Variants in CTH observed in about 807,000 individuals in gnomAD.
The protein encoded by CTH is cystathionine gamma-lyase.
In CTH, 41 loss-of-function variants were observed where a neutral mutation model predicts 50.6. The observed-to-expected ratio is 0.81, with a 90% confidence interval of 0.63 to 1.05. CTH has a LOEUF of 1.05. Among genes scored for constraint, CTH ranks in the 50% least tolerant of loss-of-function variants. The pLI, the probability that CTH is intolerant of heterozygous loss-of-function variation, is 0.00. For synonymous variants in CTH, 156 were observed against 168.9 expected, an observed-to-expected ratio of 0.92 and a Z score of 0.59; for missense variants, 470 against 492.6, an observed-to-expected ratio of 0.95 and a Z score of 0.43.
intron 7 of CTH, among the ~76,000 whole-genome samples, 154 bp downstream of exon 7, chr1:70,430,548 A>AT (rs139786655): frequency 0.22 from 31,979 of 148,480 alleles, 3,865 homozygotes; most frequent in Admixed American, 0.32. Context: ...TTATTTATTA[A>AT]TTTTTTTTTT....
In CTH at chr1:70,416,559, ATT is replaced by A. The variant is rs34806645; in HGVS notation, c.250+542_250+543del. Among the ~76,000 whole-genome samples the A allele has an allele frequency of 1.5e-3, 170 of 115,618 alleles. 1 individual carries two copies. Among genetic ancestry groups the A allele is most frequent in the African/African-American group, 4.9e-3 (148 of 30,140 alleles). The allele number at this position is 115,618 out of a possible 152,430, so 75.8% of individuals were successfully genotyped here. ...AGGTGTGCACCACCACACCCTGCTA[ATT>A]TTTTTTTTTTTTTTTTTTTGAGACA... On this transcript the variant is annotated intron_variant, in intron 2 of 11. Coordinates refer to ENST00000370938, the MANE Select transcript of CTH (RefSeq NM_001902.6).
chr1:70,428,266 A>G (rs1684391055), intron 5 of CTH, among the ~76,000 whole-genome samples: 1 of 152,116 alleles, frequency 6.6e-6, no homozygotes, highest in African/African-American at 2.4e-5. Flanking sequence ...AGGATGGTCA[A>G]TGGGTACAAA....
At position 70,433,851 on chromosome 1, in the gene CTH, G is replaced by A. The variant is rs199841412; in HGVS notation, c.901G>A (p.Glu301Lys). Residue 301 changes from glutamate (E) to lysine (K), a missense_variant, in exon 9 of 12, where the codon GAG becomes AAG. By Grantham distance (56) the Glu-to-Lys change is moderately conservative. Transcript: ENST00000370938. ...YPGLPSHPQH[E>K]LVKRQCTGCT... ...AGGGCTGCCCTCTCATCCACAGCAT[G>A]AGTTGGTGAAGCGTCAGTGTACAGG... 185 of 1,614,028 alleles carry A rather than the reference G, an allele frequency of 1.1e-4. 5 individuals carry two copies. The East Asian group carries it at 2.8e-3, about 24-fold the overall frequency.
At chr1:70,418,123 T>G in intron 3 of CTH, 91 bp downstream of exon 3, 1 of 1,437,270 alleles carries the variant, frequency 7.0e-7, no homozygotes, top group South Asian at 1.2e-5. Context: ...GTTGCCAGTA[T>G]TTTTGATTAT....
In CTH at chr1:70,411,616, T is replaced by C. The variant is rs947533313; in HGVS notation, c.168+33T>C. 8 of 1,602,624 alleles carry C rather than the reference T, an allele frequency of 5.0e-6. No homozygotes were observed. In the African/African-American group the frequency reaches 8.1e-5, roughly 16 times the overall value. Reference sequence around the variant, plus strand: ...GGGTCTGTCTGGGGCTGTCCACAGTTGGGCGGTAAAAGAGATACGGCTTAT... The same window carrying C: ...GGGTCTGTCTGGGGCTGTCCACAGTCGGGCGGTAAAAGAGATACGGCTTAT... On this transcript the variant is annotated intron_variant, in intron 1 of 11. Transcript: ENST00000370938.
At chr1:70,430,538 T>A in intron 7 of CTH, 144 bp downstream of exon 7, 1 of 585,216 alleles carries the variant, frequency 1.7e-6, no homozygotes, top group Middle Eastern at 4.5e-4. Flanking sequence ...CTGATTTTTT[T>A]TATTTATTAA....
chr1:70,434,803 A>G (rs1572271643), intron 9 of CTH: 1 of 143,818 alleles, frequency 7.0e-6, no homozygotes, highest in Non-Finnish European at 1.3e-5. Flanking sequence ...CCCAGACTGG[A>G]GTTCAGTGGC....
intron 3 of CTH, among the ~76,000 whole-genome samples, chr1:70,418,490 TC>T (rs1684144028): frequency 6.6e-6 from 1 of 152,108 alleles, no homozygotes; most frequent in African/African-American, 2.4e-5. Flanking sequence ...GCTCAAGTGA[TC>T]CTCCCTCTCC....
rs763195512 is a variant in CTH, at chr1:70,430,343, G to T, written c.673G>T (p.Val225Leu). 1 of 1,602,992 alleles carries T rather than the reference G, an allele frequency of 6.2e-7. No individual in the cohort carries two copies. Among genetic ancestry groups the T allele is most frequent in the South Asian group, 1.1e-5 (1 of 90,824 alleles). Residue 225 changes from valine to leucine, a missense_variant, in exon 7 of 12, where the codon GTG (valine) becomes TTG (leucine). By Grantham distance (32) the Val-to-Leu change is conservative. Coordinates refer to ENST00000370938, the MANE Select transcript of CTH (RefSeq NM_001902.6). ...NGHSDVVMGL[V>L]SVNCESLHNR... ...CCACAGTGATGTTGTAATGGGCCTG[G>T]TGTCTGTTAATTGTGAAAGCCTTCA...
At chr1:70,411,686 T>C in intron 1 of CTH, 103 bp downstream of exon 1, 1 of 1,495,070 alleles carries the variant, frequency 6.7e-7, no homozygotes, top group Non-Finnish European at 8.9e-7. Flanking sequence ...ACTTATAAAT[T>C]AGGAAGGCAA....
intron 1 of CTH, 94 bp downstream of exon 1, chr1:70,411,677 C>T (rs1572247513): frequency 1.3e-6 from 2 of 1,514,192 alleles, no homozygotes; most frequent in East Asian, 2.3e-5. Flanking sequence ...TATAATATGA[C>T]TTATAAATTA....
Position 70,432,988 on chromosome 1 carries a change from G to A in CTH, c.877+753G>A, listed in dbSNP as rs188321588. Among the ~76,000 whole-genome samples the A allele has an allele frequency of 1.8e-4, 28 of 152,184 alleles. No homozygotes were observed. In the East Asian group the frequency reaches 4.4e-3, roughly 24 times the overall value. On this transcript the variant is annotated intron_variant, in intron 8 of 11. Transcript: ENST00000370938. ...CGTGAGCCACTACGCCCAGCCCCCT[G>A]AGGTTCTCTCCTGTATTTCTCTCCT...
At position 70,417,037 on chromosome 1, in the gene CTH, T is replaced by A. The variant is rs146392252; in HGVS notation, c.251-900T>A. Reference sequence around the variant, plus strand: ...GTTTATTCACCTAATAATTTGTGCCTGAGAATAGCACTAAAGTTATTTTCA... The same window carrying A: ...GTTTATTCACCTAATAATTTGTGCCAGAGAATAGCACTAAAGTTATTTTCA... On this transcript the variant is annotated intron_variant, in intron 2 of 11. Coordinates refer to ENST00000370938, the MANE Select transcript of CTH (RefSeq NM_001902.6). Among the ~76,000 whole-genome samples the A allele has an allele frequency of 3.0e-3, 461 of 152,252 alleles. 5 individuals are homozygous for A. Among genetic ancestry groups the A allele is most frequent in the Middle Eastern group, 6.8e-3 (2 of 294 alleles).
At chr1:70,424,939 A>G (rs999508926) in intron 5 of CTH, among the ~76,000 whole-genome samples, 2 of 152,100 alleles carry the variant, frequency 1.3e-5, no homozygotes, top group Admixed American at 1.3e-4. Context: ...AAAAAAAAAA[A>G]GCTTACGAGT....
intron 10 of CTH, among the ~76,000 whole-genome samples, chr1:70,436,521 T>A (rs761935103): frequency 1.3e-5 from 2 of 152,200 alleles, no homozygotes; most frequent in African/African-American, 2.4e-5. Context: ...TGTATTTCTG[T>A]GTCTTCATTT....
At chr1:70,432,831 C>T (rs923697121) in intron 8 of CTH, among the ~76,000 whole-genome samples, 1 of 151,776 alleles carries the variant, frequency 6.6e-6, no homozygotes, top group Non-Finnish European at 1.5e-5. Context: ...TTACAGGTGC[C>T]CGCCACCACG....
chr1:70,421,292 TG>T (rs1385724484), intron 3 of CTH, among the ~76,000 whole-genome samples: 2 of 152,194 alleles, frequency 1.3e-5, no homozygotes, highest in African/African-American at 4.8e-5. Flanking sequence ...TGTCACTTAG[TG>T]GAGATTGGAT....
At chr1:70,411,614 G>T (rs762423252) in intron 1 of CTH, 31 bp downstream of exon 1, 2 of 1,603,074 alleles carry the variant, frequency 1.2e-6, no homozygotes, top group Non-Finnish European at 1.7e-6. Flanking sequence ...GCTGTCCACA[G>T]TTGGGCGGTA....
chr1:70,433,743 G>A (rs1336012697), intron 8 of CTH, 85 bp from the exon 9 acceptor site: 6 of 1,588,360 alleles, frequency 3.8e-6, no homozygotes, highest in Non-Finnish European at 5.1e-6. Flanking sequence ...TTGCAGTTAA[G>A]TAGACAGTGA....
Sources: allele counts gnomAD v4.1 joint callset (sites outside exome capture counted in the v4.1 genomes callset), GRCh38; gene constraint gnomAD v4.1.1; transcripts MANE v1.5; gene names NCBI Gene and HGNC (gene_info 2026-07-23, HGNC 2026-07-21).